Variants in RHOV observed in about 807,000 individuals in gnomAD.
RHOV encodes the protein ras homolog family member V.
In RHOV, 6 loss-of-function variants were observed where a neutral mutation model predicts 20.2. That is an observed-to-expected ratio of 0.30 (90% CI 0.16 to 0.59). The LOEUF (loss-of-function observed/expected upper bound fraction) is 0.59. Ranked by LOEUF, RHOV falls within the 20% of genes least tolerant of loss-of-function variation. The probability of loss-of-function intolerance (pLI) is 0.89; values close to 1 mark genes in which losing one functional copy is unlikely to be tolerated. For missense variants in RHOV, 275 were observed against 319.4 expected, an observed-to-expected ratio of 0.86 and a Z score of 1.06; for synonymous variants, 136 against 142.3, an observed-to-expected ratio of 0.96 and a Z score of 0.31.
At position 40,873,321 on chromosome 15, in the gene RHOV, C is replaced by T. The variant is rs1186510308; in HGVS notation, c.448G>A (p.Asp150Asn). 2 of 1,613,162 alleles carry T rather than the reference C, an allele frequency of 1.2e-6. No individual in the cohort carries two copies. Among genetic ancestry groups the T allele is most frequent in the Non-Finnish European group, 1.7e-6 (2 of 1,179,974 alleles). Residue 150 changes from aspartate (D) to asparagine (N), a missense_variant, in exon 3 of 3, where the codon GAT (aspartate) becomes AAT (asparagine). Asp to Asn is a conservative substitution (Grantham distance 23). Transcript: ENST00000220507. ...TCCAGCTGAATTAGTACGTTGACAT[C>T]GTCCCTCAGGTCGGCCTGGGTGCCC... ...LVGTQADLRDDVNVLIQLDQG... is the reference protein window; with the variant it reads ...LVGTQADLRDNVNVLIQLDQG...
At position 40,873,422 on chromosome 15, in the gene RHOV, C is replaced by T. The variant is rs531217839; in HGVS notation, c.347G>A (p.Ser116Asn). 7 of 1,612,116 alleles carry T rather than the reference C, an allele frequency of 4.3e-6. No homozygotes were observed. The African/African-American group carries it at 8.0e-5, about 18-fold the overall frequency. The change falls in exon 3 of 3, where the codon AGC (serine) becomes AAC (asparagine). Residue 116 changes from serine to asparagine, a missense_variant. Physicochemically the swap from Ser to Asn is conservative, Grantham distance 46. Transcript: ENST00000220507. ...TTTCTCTGTGATGTTTTGAAAGGAG[C>T]TGGGCTGCACCACGCTGAAGCACGC... ...FLACFSVVQP[S>N]SFQNITEKWL...
chr15:40,873,040 C>T lies in RHOV; in HGVS notation c.*18G>A, dbSNP rs933126492. The T allele has an allele frequency of 2.5e-6, 4 of 1,596,436 alleles. No homozygotes were observed. The African/African-American group carries it at 5.4e-5, about 21-fold the overall frequency. On this transcript the variant is annotated 3_prime_UTR_variant, in exon 3 of 3. Transcript: ENST00000220507. The stretch of plus-strand genomic sequence containing the variant: ...TCTTTGGCCTCCTGCCTACTACTTG[C>T]TATGCAGCCATAGCTGCTCAAACGA...
At chr15:40,873,790 G>A (rs2142027338) in intron 1 of RHOV, 48 bp from the exon 2 acceptor site, 1 of 1,596,518 alleles carries the variant, frequency 6.3e-7, no homozygotes, top group South Asian at 1.1e-5. Flanking sequence ...AGCGTCCTGG[G>A]CCGCACCAGC....
intron 1 of RHOV, 93 bp from the exon 2 acceptor site, chr15:40,873,835 G>C: frequency 6.5e-7 from 1 of 1,538,360 alleles, no homozygotes; most frequent in Non-Finnish European, 8.9e-7. Flanking sequence ...TCCTCCCCGG[G>C]GTCCTCTGCG....
rs1891926627 is a variant in RHOV, at chr15:40,874,069, C to T, written c.71G>A (p.Arg24His). Residue 24 changes from arginine to histidine, a missense_variant, in exon 1 of 3, where the codon CGT becomes CAT. Physicochemically the swap from Arg to His is conservative, Grantham distance 29. Coordinates refer to ENST00000220507, the MANE Select transcript of RHOV (RefSeq NM_133639.4). ...GATGCCCAGCTCTGGGGGCGCGCTA[C>T]GCCGCCGCGGGGGAGGGGTCGGGGC... ...LRAPTPPPRR[R>H]SAPPELGIKC... 3 of 1,534,098 alleles carry T rather than the reference C, an allele frequency of 2.0e-6. No individual in the cohort carries two copies. The highest frequency in any genetic ancestry group is 2.6e-6 in the Non-Finnish European group (3 of 1,145,602).
At position 40,873,957 on chromosome 15, in the gene RHOV, C is replaced by A. The variant is rs754041778; in HGVS notation, c.183G>T (p.Arg61=). 6.2e-7 allele frequency: 1 copy of A among 1,610,968 alleles called. No homozygotes were observed. The highest frequency in any genetic ancestry group is 1.1e-5 in the South Asian group (1 of 90,996). Residue 61 remains arginine (R), a synonymous_variant, in exon 1 of 3, where the codon CGG becomes CGT. Transcript: ENST00000220507. ...YTCNGYPARY[R]PTALDTFSVQ... Reference sequence around the variant, plus strand: ...CAGAGAAGGTGTCCAGCGCAGTGGGCCGGTAGCGCGCGGGGTACCCATTGC... The same window carrying A: ...CAGAGAAGGTGTCCAGCGCAGTGGGACGGTAGCGCGCGGGGTACCCATTGC...
In RHOV at chr15:40,873,344, C is replaced by A; in HGVS notation, c.425G>T (p.Gly142Val). 6.2e-7 allele frequency: 1 copy of A among 1,613,086 alleles called. No homozygotes were observed. Among genetic ancestry groups the A allele is most frequent in the Non-Finnish European group, 8.5e-7 (1 of 1,179,990 alleles). ...HNPQAPVLLV[G>V]TQADLRDDVN... is the part of the protein sequence containing the mutation. ...ATCGTCCCTCAGGTCGGCCTGGGTGCCCACCAGCAGCACAGGCGCCTGGGG... is the reference window on the plus strand; with the variant it reads ...ATCGTCCCTCAGGTCGGCCTGGGTGACCACCAGCAGCACAGGCGCCTGGGG... The change falls in exon 3 of 3, where the codon GGC (glycine) becomes GTC (valine). Residue 142 changes from glycine (G) to valine (V), a missense_variant. Coordinates refer to ENST00000220507, the MANE Select transcript of RHOV (RefSeq NM_133639.4).
chr15:40,873,376 C>G lies in RHOV; in HGVS notation c.393G>C (p.Thr131=). The G allele has an allele frequency of 6.2e-7, 1 of 1,613,278 alleles. No individual in the cohort carries two copies. Among genetic ancestry groups the G allele is most frequent in the Non-Finnish European group, 8.5e-7 (1 of 1,180,006 alleles). ...ITEKWLPEIR[T]HNPQAPVLLV... is the part of the protein sequence containing the mutation. ...GCAGCACAGGCGCCTGGGGGTTGTG[C>G]GTGCGGATCTCGGGCAGCCATTTCT... The change falls in exon 3 of 3, where the codon ACG becomes ACC. Residue 131 remains threonine, a synonymous_variant. Coordinates refer to ENST00000220507, the MANE Select transcript of RHOV (RefSeq NM_133639.4).
intron 1 of RHOV, 82 bp downstream of exon 1, chr15:40,873,850 C>G (rs1470682670): frequency 6.5e-7 from 1 of 1,539,362 alleles, no homozygotes; most frequent in African/African-American, 1.4e-5. Flanking sequence ...TCTGCGCCCT[C>G]CCGCCGAGAC....
Position 40,873,232 on chromosome 15 carries a change from T to C in RHOV, c.537A>G (p.Arg179=). The C allele has an allele frequency of 4.3e-6, 7 of 1,614,196 alleles. No individual in the cohort carries two copies. The highest frequency in any genetic ancestry group is 5.9e-6 in the Non-Finnish European group (7 of 1,180,030). The change falls in exon 3 of 3, where the codon CGA becomes CGG. Residue 179 remains arginine, a synonymous_variant. Transcript: ENST00000220507. ...CTGAGCACTCAAGGTAGCAGCAGGC[T>C]CGGATCTTCTCGGCCAGACCCTGAG... ...PQAQGLAEKI[R]ACCYLECSAL...
In RHOV at chr15:40,872,993, C is replaced by T. The variant is rs1891905836; in HGVS notation, c.*65G>A. The T allele has an allele frequency of 2.2e-6, 3 of 1,334,198 alleles. No homozygotes were observed. Among genetic ancestry groups the T allele is most frequent in the Non-Finnish European group, 3.2e-6 (3 of 949,620 alleles). 82.6% of individuals were successfully genotyped at this position (1,334,198 alleles called of 1,614,324 possible). Reference sequence around the variant, plus strand: ...CCTGCCAGTAGCTGCCGCAAAGGCCCGGGTGCCCCAGGTCTCAGAAGTCTT... The same window carrying T: ...CCTGCCAGTAGCTGCCGCAAAGGCCTGGGTGCCCCAGGTCTCAGAAGTCTT... On this transcript the variant is annotated 3_prime_UTR_variant, in exon 3 of 3. Transcript: ENST00000220507.
chr15:40,873,940 G>T lies in RHOV; in HGVS notation c.200C>A (p.Thr67Asn). The change falls in exon 1 of 3, where the codon ACC (threonine) becomes AAC (asparagine). Residue 67 changes from threonine (T) to asparagine (N), a missense_variant. Physicochemically the swap from Thr to Asn is moderately conservative, Grantham distance 65. Transcript: ENST00000220507. ...PARYRPTALD[T>N]FSVQVLVDGA... is the part of the protein sequence containing the mutation. ...CGATTGAACGTACGTACCAGAGAAGGTGTCCAGCGCAGTGGGCCGGTAGCG... is the reference window on the plus strand; with the variant it reads ...CGATTGAACGTACGTACCAGAGAAGTTGTCCAGCGCAGTGGGCCGGTAGCG... The T allele has an allele frequency of 6.2e-7, 1 of 1,610,740 alleles. No individual in the cohort carries two copies. Among genetic ancestry groups the T allele is most frequent in the Non-Finnish European group, 8.5e-7 (1 of 1,178,680 alleles).
rs1309180655 is a variant in RHOV, at chr15:40,873,912, G to A, written c.208+20C>T. 5 of 1,597,732 alleles carry A rather than the reference G, an allele frequency of 3.1e-6. No homozygotes were observed. The East Asian group carries it at 6.7e-5, about 21-fold the overall frequency. On this transcript the variant is annotated intron_variant, in intron 1 of 2. Coordinates refer to ENST00000220507, the MANE Select transcript of RHOV (RefSeq NM_133639.4). ...CCCCGCCGCAGCCACGCGGCCGCAC[G>A]GGCGATTGAACGTACGTACCAGAGA... is the stretch of plus-strand genomic sequence containing the variant.
At position 40,873,667 on chromosome 15, in the gene RHOV, C is replaced by A; in HGVS notation, c.267+17G>T. 4 of 1,613,684 alleles carry A rather than the reference C, an allele frequency of 2.5e-6. No individual in the cohort carries two copies. Among genetic ancestry groups the A allele is most frequent in the Non-Finnish European group, 3.4e-6 (4 of 1,179,686 alleles). ...CATCTCCCCGCAGACCAGTAGAGGC[C>A]GCGCCCAGCTTCTCACCTGTCCCGC... On this transcript the variant is annotated intron_variant, in intron 2 of 2. Coordinates refer to ENST00000220507, the MANE Select transcript of RHOV (RefSeq NM_133639.4).
chr15:40,872,951 C>T lies in RHOV; in HGVS notation c.*107G>A. 2.6e-6 allele frequency: 2 copies of T among 778,766 alleles called. No individual in the cohort carries two copies. Among genetic ancestry groups the T allele is most frequent in the East Asian group, 2.4e-5 (1 of 40,924 alleles). 48.2% of individuals were successfully genotyped at this position (778,766 alleles called of 1,614,324 possible). A position where few individuals can be genotyped will look rare whatever the true frequency, so the allele number is the denominator to read the frequency against. On this transcript the variant is annotated 3_prime_UTR_variant, in exon 3 of 3. Transcript: ENST00000220507. ...CGAGTGTTCAGAAGGGAACTGAGTC[C>T]TATGAGGTGGCCAGGCCCTGCCAGT...
rs556248056 is a variant in RHOV at position 40,872,866 on chromosome 15, G to C, written c.*192C>G. 2.1e-5 allele frequency: 12 copies of C among 559,992 alleles called. 1 individual carries two copies. The South Asian group carries it at 2.7e-4, about 13-fold the overall frequency. The allele number at this position is 559,992 out of a possible 1,614,324, so 34.7% of individuals were successfully genotyped here. A position where few individuals can be genotyped will look rare whatever the true frequency, so the allele number is the denominator to read the frequency against. ...TTTGACTGGAGAAATCCAAATCAGA[G>C]CCTTCCCTCCTAGGCTCACCCAGGC... On this transcript the variant is annotated 3_prime_UTR_variant, in exon 3 of 3. Transcript: ENST00000220507.
rs936920351 is a variant in RHOV at position 40,873,199 on chromosome 15, C to T, written c.570G>A (p.Thr190=). ...ACCYLECSAL[T]QKNLKEVFDS... The stretch of plus-strand genomic sequence containing the variant: ...CAAATACTTCCTTCAAGTTCTTCTG[C>T]GTCAAGGCTGAGCACTCAAGGTAGC... The change falls in exon 3 of 3, where the codon ACG becomes ACA. Residue 190 remains threonine (T), a synonymous_variant. Coordinates refer to ENST00000220507, the MANE Select transcript of RHOV (RefSeq NM_133639.4). 9 of 1,614,128 alleles carry T rather than the reference C, an allele frequency of 5.6e-6. No individual in the cohort carries two copies. In the African/African-American group the frequency reaches 8.0e-5, roughly 14 times the overall value.
Position 40,873,103 on chromosome 15 carries a change from G to T in RHOV, c.666C>A (p.Arg222=), listed in dbSNP as rs1891908226. 1.2e-6 allele frequency: 2 copies of T among 1,614,226 alleles called. No homozygotes were observed. Among genetic ancestry groups the T allele is most frequent in the Admixed American group, 3.3e-5 (2 of 60,026 alleles). The stretch of plus-strand genomic sequence containing the variant: ...TCTTCCAGCGGCAGCGGGAGAGGGT[G>T]CGCACACCTTTGGCATTCAGTTTCT... ...LEKKLNAKGV[R]TLSRCRWKKF... is the part of the protein sequence containing the mutation. Residue 222 remains arginine, a synonymous_variant, in exon 3 of 3, where the codon CGC becomes CGA. Transcript: ENST00000220507.
Position 40,872,927 on chromosome 15 carries a change from G to A in RHOV, c.*131C>T, listed in dbSNP as rs542295276. 1.0e-5 allele frequency: 7 copies of A among 670,610 alleles called. No homozygotes were observed. The East Asian group carries it at 1.5e-4, about 15-fold the overall frequency. The allele number at this position is 670,610 out of a possible 1,614,324, so 41.5% of individuals were successfully genotyped here. On this transcript the variant is annotated 3_prime_UTR_variant, in exon 3 of 3. Transcript: ENST00000220507. ...GGGCAGTTAGAGGCCCATGTCCCCC[G>A]AGTGTTCAGAAGGGAACTGAGTCCT...
Sources: allele counts gnomAD v4.1 joint callset, GRCh38; gene constraint gnomAD v4.1.1; transcripts MANE v1.5; gene names NCBI Gene and HGNC (gene_info 2026-07-23, HGNC 2026-07-21).